TSC22D2: variants seen among roughly 807,000 people sequenced by gnomAD.
The protein encoded by TSC22D2 is TSC22 domain family member 2, also known as TSC22 domain family protein 2.
A neutral mutation model predicts 50.1 loss-of-function variants in TSC22D2; 5 were observed. That is an observed-to-expected ratio of 0.10 (90% CI 0.05 to 0.21). The LOEUF is 0.21. TSC22D2 is among the 10% of genes least tolerant of loss of function. The probability of loss-of-function intolerance (pLI) is 1.00; values close to 1 mark genes in which losing one functional copy is unlikely to be tolerated. For synonymous variants in TSC22D2, 501 were observed against 450.1 expected (o/e 1.11, Z -1.43); for missense variants, 1,003 against 1,015.5 (o/e 0.99, Z 0.17).
intron 1 of TSC22D2, among the ~76,000 whole-genome samples, chr3:150,431,702 T>C (rs1720386675): frequency 6.6e-6 from 1 of 152,212 alleles, no homozygotes; most frequent in African/African-American, 2.4e-5. Flanking sequence ...AAAATCCAGC[T>C]GAAACGACTA....
At chr3:150,412,933 C>A (rs557915848) in intron 1 of TSC22D2, among the ~76,000 whole-genome samples, 10 of 152,226 alleles carry the variant, frequency 6.6e-5, no homozygotes, top group African/African-American at 2.4e-4. Context: ...TTCCTCTGTT[C>A]CTGTATACTG....
chr3:150,434,153 T>G (rs971038679), intron 1 of TSC22D2, among the ~76,000 whole-genome samples: 5 of 27,606 alleles, frequency 1.8e-4, no homozygotes, highest in African/African-American at 4.4e-4. Flanking sequence ...GGGTTTTTTG[T>G]TTTTTTTTTT....
chr3:150,425,583 A>G (rs776017810), intron 1 of TSC22D2, among the ~76,000 whole-genome samples: 31 of 152,180 alleles, frequency 2.0e-4, no homozygotes, highest in Non-Finnish European at 3.7e-4. Context: ...TACATTATCT[A>G]TTTATTTTGA....
intron 1 of TSC22D2, among the ~76,000 whole-genome samples, chr3:150,447,909 A>G (rs1576556042): frequency 6.6e-6 from 1 of 152,234 alleles, no homozygotes; most frequent in East Asian, 1.9e-4. Flanking sequence ...CGAGTTTTTA[A>G]TTTGGGCTTA....
At chr3:150,450,130 G>A (rs1346345474) in intron 1 of TSC22D2, among the ~76,000 whole-genome samples, 1 of 152,084 alleles carries the variant, frequency 6.6e-6, no homozygotes, top group Non-Finnish European at 1.5e-5. Flanking sequence ...ACTTCATATA[G>A]ATTGCATGCT....
chr3:150,434,578 C>T (rs1307205071), intron 1 of TSC22D2, among the ~76,000 whole-genome samples: 2 of 152,098 alleles, frequency 1.3e-5, no homozygotes, highest in Non-Finnish European at 2.9e-5. Flanking sequence ...ATATCTTTTT[C>T]CTTTGCCTTC....
chr3:150,408,708 G>C lies in TSC22D2; in HGVS notation c.-643G>C, dbSNP rs999200636. The stretch of plus-strand genomic sequence containing the variant: ...TGAGCTCCGGCTAGAGCCGGGGAGG[G>C]AGGGCCGCCTGCCCGCGCCACAGCC... On this transcript the variant is annotated 5_prime_UTR_variant, in exon 1 of 3. Transcript: ENST00000688009. 1.3e-5 allele frequency: 2 copies of C among 153,052 alleles called. No homozygotes were observed. The highest frequency in any genetic ancestry group is 2.9e-5 in the Non-Finnish European group (2 of 68,682). The allele number at this position is 153,052 out of a possible 1,614,324, so 9.5% of individuals were successfully genotyped here. A position where few individuals can be genotyped will look rare whatever the true frequency, so the allele number is the denominator to read the frequency against.
chr3:150,449,850 T>C (rs1238785311), intron 1 of TSC22D2, among the ~76,000 whole-genome samples: 3 of 152,112 alleles, frequency 2.0e-5, no homozygotes, highest in Admixed American at 6.5e-5. Flanking sequence ...TATTTTTATT[T>C]TATGATTCAG....
At chr3:150,458,319 G>A in intron 2 of TSC22D2, 57 bp from the exon 3 acceptor site, 1 of 1,559,616 alleles carries the variant, frequency 6.4e-7, no homozygotes, top group South Asian at 1.2e-5. Context: ...GCCAGAACCA[G>A]ATAGCACCAC....
At chr3:150,427,866 T>C (rs1019982380) in intron 1 of TSC22D2, among the ~76,000 whole-genome samples, 2 of 151,972 alleles carry the variant, frequency 1.3e-5, no homozygotes, top group African/African-American at 4.8e-5. Flanking sequence ...ATATTTTAGA[T>C]TTAAAGTTGC....
intron 1 of TSC22D2, among the ~76,000 whole-genome samples, chr3:150,453,784 AT>A (rs1192199085): frequency 6.6e-6 from 1 of 152,208 alleles, no homozygotes; most frequent in African/African-American, 2.4e-5. Context: ...ATCAGTATGC[AT>A]TGAGTTACTA....
At position 150,463,955 on chromosome 3, in the gene TSC22D2, T is replaced by C. The variant is rs1721486909; in HGVS notation, c.*5319T>C. ...TTTGGGGAATTTTCCCATTGTCTACTGTCATGGGTCCATAGTATTTAAGTT... is the reference window on the plus strand; with the variant it reads ...TTTGGGGAATTTTCCCATTGTCTACCGTCATGGGTCCATAGTATTTAAGTT... On this transcript the variant is annotated 3_prime_UTR_variant, in exon 3 of 3. Transcript: ENST00000688009. The C allele has an allele frequency of 6.6e-6, 1 of 152,208 alleles. No homozygotes were observed. The highest frequency in any genetic ancestry group is 1.5e-5 in the Non-Finnish European group (1 of 68,040). The allele number at this position is 152,208 out of a possible 1,614,324, so 9.4% of individuals were successfully genotyped here. A position where few individuals can be genotyped will look rare whatever the true frequency, so the allele number is the denominator to read the frequency against.
chr3:150,425,656 G>A (rs1720156143), intron 1 of TSC22D2, among the ~76,000 whole-genome samples: 3 of 151,910 alleles, frequency 2.0e-5, no homozygotes, highest in South Asian at 2.1e-4. Flanking sequence ...TGAAATGTTG[G>A]AAATCATTTT....
chr3:150,443,414 A>G (rs1232863363), intron 1 of TSC22D2, among the ~76,000 whole-genome samples: 2 of 152,230 alleles, frequency 1.3e-5, no homozygotes, highest in African/African-American at 4.8e-5. Context: ...CACTGGTTTT[A>G]GTACATAGTC....
At chr3:150,423,638 A>G (rs1398342976) in intron 1 of TSC22D2, among the ~76,000 whole-genome samples, 1 of 152,152 alleles carries the variant, frequency 6.6e-6, no homozygotes, top group Non-Finnish European at 1.5e-5. Flanking sequence ...CTGATTTGTA[A>G]GCCCCTAAAA....
At chr3:150,424,567 T>C (rs1188591314) in intron 1 of TSC22D2, among the ~76,000 whole-genome samples, 1 of 152,218 alleles carries the variant, frequency 6.6e-6, no homozygotes, top group East Asian at 1.9e-4. Flanking sequence ...AAAACCACCA[T>C]AGAAGTTGCC....
At chr3:150,420,242 A>T (rs924411363) in intron 1 of TSC22D2, among the ~76,000 whole-genome samples, 12 of 151,928 alleles carry the variant, frequency 7.9e-5, no homozygotes, top group African/African-American at 2.9e-4. Flanking sequence ...CACAGACTTG[A>T]CTCCTTTAAT....
At chr3:150,445,399 T>A (rs1440758555) in intron 1 of TSC22D2, among the ~76,000 whole-genome samples, 1 of 151,186 alleles carries the variant, frequency 6.6e-6, no homozygotes, top group African/African-American at 2.4e-5. Context: ...CAATTTTTAT[T>A]AACATATACT....
chr3:150,409,744 G>T lies in TSC22D2; in HGVS notation c.394G>T (p.Gly132Ter). 1 of 1,600,822 alleles carries T rather than the reference G, an allele frequency of 6.2e-7. No homozygotes were observed. The change falls in exon 1 of 3, where the codon GGA (glycine) becomes TGA (stop). Residue 132 changes from glycine to a stop codon, truncating the protein, a stop_gained. Transcript: ENST00000688009. LOFTEE classifies it high-confidence loss of function. The surrounding 1 kb of genome is among the most constrained non-coding windows in gnomAD (Gnocchi z 7.4). ...AAAATSAPAPGAPGGPQLAGS... is the reference protein window; with the variant it reads ...AAAATSAPAP The stretch of plus-strand genomic sequence containing the variant: ...GGCTGCCACTTCGGCCCCCGCCCCC[G>T]GAGCACCCGGCGGCCCCCAGCTCGC...
Sources: allele counts gnomAD v4.1 joint callset (sites outside exome capture counted in the v4.1 genomes callset), GRCh38; gene constraint gnomAD v4.1.1; non-coding constraint Gnocchi (gnomAD v3.1); transcripts MANE v1.5; gene names NCBI Gene and HGNC (gene_info 2026-07-23, HGNC 2026-07-21).